Variants in BRINP1 observed in about 807,000 individuals in gnomAD.
BRINP1 encodes the protein BMP/retinoic acid-inducible neural-specific protein 1.
A neutral mutation model predicts 72.9 loss-of-function variants in BRINP1; 17 were observed. The ratio of observed to expected loss-of-function variants is 0.23; its 90% CI spans 0.16 to 0.35. The LOEUF is 0.35. BRINP1 is among the 10% of genes least tolerant of loss of function. BRINP1 has a pLI of 1.00. For synonymous variants in BRINP1, 418 were observed against 378.5 expected (o/e 1.10, Z -1.21); for missense variants, 850 against 1,001.6 (o/e 0.85, Z 2.04).
intron 5 of BRINP1, among the ~76,000 whole-genome samples, chr9:119,223,844 A>G (rs1420270138): frequency 1.3e-5 from 2 of 152,100 alleles, no homozygotes; most frequent in East Asian, 1.9e-4. Flanking sequence ...AGATCTGAGT[A>G]AAAAAATACA....
intron 1 of BRINP1, among the ~76,000 whole-genome samples, chr9:119,345,687 A>G (rs960123917): frequency 1.2e-4 from 19 of 152,186 alleles, no homozygotes; most frequent in Non-Finnish European, 1.6e-4. Flanking sequence ...AAGTTTACTC[A>G]ACTAGTAAGT....
intron 5 of BRINP1, among the ~76,000 whole-genome samples, chr9:119,223,149 C>T (rs999801389): frequency 2.6e-5 from 4 of 152,074 alleles, no homozygotes; most frequent in African/African-American, 9.7e-5. Context: ...AGAGGCTTAA[C>T]TTCTCTGATC....
intron 7 of BRINP1, among the ~76,000 whole-genome samples, chr9:119,195,468 C>T (rs759109449): frequency 2.0e-5 from 3 of 152,208 alleles, no homozygotes; most frequent in Non-Finnish European, 2.9e-5. Context: ...CTGATCCTCA[C>T]TCTAACTCAT....
At chr9:119,316,715 T>TGTGGTGTCA (rs1239867571) in intron 1 of BRINP1, among the ~76,000 whole-genome samples, 14 of 152,286 alleles carry the variant, frequency 9.2e-5, no homozygotes, top group African/African-American at 3.4e-4. Context: ...CTTTCAATAT[T>TGTGGTGTCA]ATTGCTCACT....
At chr9:119,358,964 T>C (rs1179926257) in intron 1 of BRINP1, among the ~76,000 whole-genome samples, 1 of 152,222 alleles carries the variant, frequency 6.6e-6, no homozygotes, top group Admixed American at 6.5e-5. Flanking sequence ...CACATTCATT[T>C]GGAAGGCAGT....
At chr9:119,191,926 T>G (rs992794125) in intron 7 of BRINP1, among the ~76,000 whole-genome samples, 5 of 151,694 alleles carry the variant, frequency 3.3e-5, no homozygotes, top group Non-Finnish European at 7.4e-5. Context: ...GGAACACAAT[T>G]GAGAGCCCAG....
rs544719551 is a variant in BRINP1 at position 119,339,914 on chromosome 9, T to C, written c.-50-26509A>G. On this transcript the variant is annotated intron_variant, in intron 1 of 7. Coordinates refer to ENST00000265922, the MANE Select transcript of BRINP1 (RefSeq NM_014618.3). ...AGTGAGTTCTCATGAACAGTCTTGT[T>C]CCACTATTAGGCTACACTCACCCAC... Among the ~76,000 whole-genome samples the C allele has an allele frequency of 3.3e-4, 51 of 152,256 alleles. No homozygotes were observed. The South Asian group carries it at 4.6e-3, about 14-fold the overall frequency.
chr9:119,269,348 G>A (rs906654349), intron 2 of BRINP1, among the ~76,000 whole-genome samples: 16 of 152,158 alleles, frequency 1.1e-4, no homozygotes, highest in African/African-American at 3.4e-4. Context: ...CTCGTGGAAT[G>A]ATTCACCCTC....
At chr9:119,262,033 G>A (rs1302243473) in intron 2 of BRINP1, among the ~76,000 whole-genome samples, 1 of 152,086 alleles carries the variant, frequency 6.6e-6, no homozygotes, top group African/African-American at 2.4e-5. Context: ...ATGTATGTTG[G>A]TCAACTATAT....
intron 5 of BRINP1, 55 bp from the exon 6 acceptor site, chr9:119,214,210 T>C (rs1829956964): frequency 7.4e-7 from 1 of 1,350,188 alleles, no homozygotes; most frequent in Non-Finnish European, 1.1e-6. Context: ...AGGTGTTTCA[T>C]TAACAATTTC....
At chr9:119,172,529 C>A (rs894039323) in intron 7 of BRINP1, among the ~76,000 whole-genome samples, 2 of 151,604 alleles carry the variant, frequency 1.3e-5, no homozygotes, top group Non-Finnish European at 2.9e-5. Context: ...CAGATGGATT[C>A]ACAGCCGAAT....
intron 1 of BRINP1, among the ~76,000 whole-genome samples, chr9:119,348,393 C>T (rs956644150): frequency 6.6e-6 from 1 of 152,090 alleles, no homozygotes; most frequent in Non-Finnish European, 1.5e-5. Flanking sequence ...CGAGTTTTGG[C>T]AATTATGAAT....
At chr9:119,170,230 T>TA (rs1008775083) in intron 7 of BRINP1, among the ~76,000 whole-genome samples, 2 of 151,458 alleles carry the variant, frequency 1.3e-5, no homozygotes, top group Non-Finnish European at 2.9e-5. Context: ...TTGAAAACTT[T>TA]AAAAAAAATT....
At position 119,167,513 on chromosome 9, in the gene BRINP1, T is replaced by C. The variant is rs1829330924; in HGVS notation, c.1857A>G (p.Leu619=). 1 of 1,614,134 alleles carries C rather than the reference T, an allele frequency of 6.2e-7. No individual in the cohort carries two copies. Among genetic ancestry groups the C allele is most frequent in the Middle Eastern group, 1.6e-4 (1 of 6,062 alleles). Residue 619 remains leucine, a synonymous_variant, in exon 8 of 8, where the codon CTA becomes CTG. Coordinates refer to ENST00000265922, the MANE Select transcript of BRINP1 (RefSeq NM_014618.3). This position sits in a 1 kb window ranked among gnomAD's most constrained non-coding sequence, Gnocchi z 4.3. The stretch of plus-strand genomic sequence containing the variant: ...GGGTAGGTAGCCGAGTCCGACTACG[T>C]AGGTAGATGTGGACCGTCTCGAAAA... The part of the protein sequence containing the change: ...KTFFETVHIY[L]RSRTRLPTLL...
chr9:119,293,757 G>GA (rs1212838783), intron 2 of BRINP1, among the ~76,000 whole-genome samples: 2 of 151,492 alleles, frequency 1.3e-5, no homozygotes, highest in African/African-American at 2.4e-5. Flanking sequence ...GAAGAGAAAA[G>GA]AAAAAAAAGA....
At chr9:119,191,367 A>G (rs1023420404) in intron 7 of BRINP1, among the ~76,000 whole-genome samples, 1 of 151,918 alleles carries the variant, frequency 6.6e-6, no homozygotes, top group Non-Finnish European at 1.5e-5. Context: ...AAGTGTCATA[A>G]TTCTAATATG....
rs75290579 is a variant in BRINP1 at position 119,180,547 on chromosome 9, C to T, written c.1146-12323G>A. Among the ~76,000 whole-genome samples the T allele has an allele frequency of 8.3e-4, 125 of 151,066 alleles. 1 individual carries two copies. The highest frequency in any genetic ancestry group is 1.4e-3 in the Non-Finnish European group (96 of 67,788). On this transcript the variant is annotated intron_variant, in intron 7 of 7. Transcript: ENST00000265922. ...AAGTGGTATTTATAAGAGATGAATA[C>T]GTCAAGTCAGTGGTGTCAGAATACT...
chr9:119,291,806 A>G (rs568272321), intron 2 of BRINP1, among the ~76,000 whole-genome samples: 1 of 152,310 alleles, frequency 6.6e-6, no homozygotes, highest in African/African-American at 2.4e-5. Context: ...TAGGATTCAA[A>G]AAAAGCAGAG....
intron 2 of BRINP1, among the ~76,000 whole-genome samples, chr9:119,261,913 C>A (rs1006479659): frequency 6.6e-6 from 1 of 151,588 alleles, no homozygotes; most frequent in Non-Finnish European, 1.5e-5. Flanking sequence ...TCTCTCCCTC[C>A]CTCCTGCATG....
Sources: gnomAD v4.1 joint callset for allele counts (sites outside exome capture counted in the v4.1 genomes callset) on GRCh38, gnomAD v4.1.1 for gene constraint, Gnocchi (gnomAD v3.1) non-coding constraint, MANE v1.5 for transcripts, NCBI Gene and HGNC (gene_info 2026-07-23, HGNC 2026-07-21) for gene names.